ENPEP: variants seen among roughly 807,000 people sequenced by gnomAD.
ENPEP encodes the protein glutamyl aminopeptidase, also known as AP-A.
In ENPEP, 103 loss-of-function variants were observed where a neutral mutation model predicts 114.5. The ratio of observed to expected loss-of-function variants is 0.90; its 90% CI spans 0.77 to 1.06. The LOEUF (loss-of-function observed/expected upper bound fraction) is 1.06. Ranked by LOEUF, ENPEP falls within the 50% of genes least tolerant of loss-of-function variation. The pLI, the probability that ENPEP is intolerant of heterozygous loss-of-function variation, is 0.00. For missense variants in ENPEP, 1,196 were observed against 1,161.3 expected (o/e 1.03, Z -0.43); for synonymous variants, 420 against 422.0 (o/e 1.00, Z 0.06).
At chr4:110,497,119 T>C (rs941329596) in intron 3 of ENPEP, among the ~76,000 whole-genome samples, 2 of 152,206 alleles carry the variant, frequency 1.3e-5, no homozygotes, top group Non-Finnish European at 2.9e-5. Context: ...TTTGACCACT[T>C]ATTGTAGCAT....
chr4:110,554,745 T>C (rs186195809), intron 18 of ENPEP, among the ~76,000 whole-genome samples: 15 of 152,174 alleles, frequency 9.9e-5, no homozygotes, highest in African/African-American at 2.4e-4. Context: ...TTGTTTTAGT[T>C]GAAAAGACCA....
At chr4:110,495,240 T>C (rs1049046468) in intron 3 of ENPEP, among the ~76,000 whole-genome samples, 1 of 152,184 alleles carries the variant, frequency 6.6e-6, no homozygotes, top group Non-Finnish European at 1.5e-5. Flanking sequence ...GTTTAATTCA[T>C]GTACATTATT....
intron 3 of ENPEP, among the ~76,000 whole-genome samples, chr4:110,504,642 G>T (rs746609187): frequency 1.3e-5 from 2 of 152,134 alleles, no homozygotes; most frequent in African/African-American, 4.8e-5. Context: ...GAGTTTCTCA[G>T]AAACAAAAGA....
chr4:110,522,330 C>T (rs539280326), intron 10 of ENPEP, among the ~76,000 whole-genome samples: 15 of 152,122 alleles, frequency 9.9e-5, no homozygotes, highest in Non-Finnish European at 1.3e-4. Flanking sequence ...TGTAGGTACA[C>T]GCCACTACAC....
rs1725521036 is a variant in ENPEP at position 110,510,156 on chromosome 4, G to A, written c.1195-89G>A. 3.7e-6 allele frequency: 4 copies of A among 1,072,796 alleles called. No individual in the cohort carries two copies. The South Asian group carries it at 4.1e-5, about 11-fold the overall frequency. The allele number at this position is 1,072,796 out of a possible 1,614,324, so 66.5% of individuals were successfully genotyped here. A position where few individuals can be genotyped will look rare whatever the true frequency, so the allele number is the denominator to read the frequency against. ...CACTTCTGTCACAGTGACAACATTGGCACGGACAAATAAATGTTTTGACAT... is the reference window on the plus strand; with the variant it reads ...CACTTCTGTCACAGTGACAACATTGACACGGACAAATAAATGTTTTGACAT... On this transcript the variant is annotated intron_variant, in intron 5 of 19. Coordinates refer to ENST00000265162, the MANE Select transcript of ENPEP (RefSeq NM_001977.4).
intron 3 of ENPEP, among the ~76,000 whole-genome samples, chr4:110,491,746 A>T (rs1217001551): frequency 7.9e-6 from 1 of 126,800 alleles, no homozygotes; most frequent in African/African-American, 3.2e-5. Context: ...TTTGAGACGG[A>T]GTCTGGCTCT....
At chr4:110,514,209 C>T (rs1725679413) in intron 7 of ENPEP, among the ~76,000 whole-genome samples, 1 of 152,058 alleles carries the variant, frequency 6.6e-6, no homozygotes, top group Non-Finnish European at 1.5e-5. Flanking sequence ...ACTTCAGCTT[C>T]TCATGGGTTT....
Position 110,515,357 on chromosome 4 carries a change from T to C in ENPEP, c.1444-20T>C. On this transcript the variant is annotated intron_variant, in intron 7 of 19. Transcript: ENST00000265162. Reference sequence around the variant, plus strand: ...ACATAGCCTTTATTAGTTTCATTTGTCTTTTTATCCCCATTGTAGGGATCT... The same window carrying C: ...ACATAGCCTTTATTAGTTTCATTTGCCTTTTTATCCCCATTGTAGGGATCT... The C allele has an allele frequency of 6.3e-7, 1 of 1,599,052 alleles. No individual in the cohort carries two copies. The highest frequency in any genetic ancestry group is 8.5e-7 in the Non-Finnish European group (1 of 1,170,318).
intron 7 of ENPEP, among the ~76,000 whole-genome samples, chr4:110,514,467 TTTTATC>T (rs1353715168): frequency 6.6e-6 from 1 of 152,064 alleles, no homozygotes; most frequent in East Asian, 1.9e-4. Context: ...GAATGATTCC[TTTTATC>T]TTTATGTCGA....
chr4:110,513,885 T>C (rs943479497), intron 7 of ENPEP, among the ~76,000 whole-genome samples: 2 of 152,186 alleles, frequency 1.3e-5, no homozygotes, highest in African/African-American at 4.8e-5. Flanking sequence ...CTTTTTCTTC[T>C]ATGTGGTCAA....
intron 1 of ENPEP, among the ~76,000 whole-genome samples, chr4:110,481,592 A>T (rs1384786376): frequency 6.6e-6 from 1 of 152,152 alleles, no homozygotes; most frequent in African/African-American, 2.4e-5. Flanking sequence ...GCTGGGACAC[A>T]TTGCATTACC....
At chr4:110,478,785 T>C (rs1360806664) in intron 1 of ENPEP, among the ~76,000 whole-genome samples, 2 of 152,238 alleles carry the variant, frequency 1.3e-5, no homozygotes, top group African/African-American at 2.4e-5. Context: ...TTTGAATACA[T>C]TGTAATTTTT....
chr4:110,498,544 T>C (rs1725032078), intron 3 of ENPEP, among the ~76,000 whole-genome samples: 1 of 152,150 alleles, frequency 6.6e-6, no homozygotes, highest in African/African-American at 2.4e-5. Context: ...AGATTTACAT[T>C]CCAGGGACAT....
chr4:110,560,298 G>T (rs1333518677), intron 19 of ENPEP, among the ~76,000 whole-genome samples: 1 of 152,112 alleles, frequency 6.6e-6, no homozygotes, highest in Non-Finnish European at 1.5e-5. Flanking sequence ...AATCCTTTGG[G>T]TATATACCCA....
chr4:110,533,592 A>T (rs1156535512), intron 11 of ENPEP, among the ~76,000 whole-genome samples: 1 of 152,156 alleles, frequency 6.6e-6, no homozygotes, highest in Non-Finnish European at 1.5e-5. Context: ...TTCCTAAAAA[A>T]TATCTAGGCT....
Position 110,476,391 on chromosome 4 carries a change from T to G in ENPEP, c.-24T>G. 1 of 1,508,970 alleles carries G rather than the reference T, an allele frequency of 6.6e-7. No individual in the cohort carries two copies. Among genetic ancestry groups the G allele is most frequent in the Non-Finnish European group, 8.9e-7 (1 of 1,127,652 alleles). The allele number at this position is 1,508,970 out of a possible 1,614,324, so 93.5% of individuals were successfully genotyped here. On this transcript the variant is annotated 5_prime_UTR_variant, in exon 1 of 20. Coordinates refer to ENST00000265162, the MANE Select transcript of ENPEP (RefSeq NM_001977.4). ...GTTAAATTTAACATCTTTTTATGTG[T>G]AACACTTGACTTTGGAAGCAAAAAT...
At chr4:110,548,143 T>G (rs1224999837) in intron 13 of ENPEP, 33 bp from the exon 14 acceptor site, 2 of 625,144 alleles carry the variant, frequency 3.2e-6, no homozygotes, top group African/African-American at 4.2e-5. Context: ...CTGTGAGTTT[T>G]TTTTTTTTTT....
chr4:110,522,016 T>C (rs141524421), intron 10 of ENPEP, among the ~76,000 whole-genome samples: 1,930 of 151,800 alleles, frequency 0.013, 42 homozygotes, highest in African/African-American at 0.044. Flanking sequence ...GTAGCTGGGA[T>C]TACAGGTGCA....
intron 8 of ENPEP, among the ~76,000 whole-genome samples, chr4:110,516,593 T>C (rs1331564386): frequency 2.6e-5 from 4 of 152,126 alleles, no homozygotes; most frequent in African/African-American, 9.7e-5. Flanking sequence ...CTTCTGTATG[T>C]GATTCCCCAG....
Sources: allele counts gnomAD v4.1 joint callset (sites outside exome capture counted in the v4.1 genomes callset), GRCh38; gene constraint gnomAD v4.1.1; transcripts MANE v1.5; gene names NCBI Gene and HGNC (gene_info 2026-07-23, HGNC 2026-07-21).